The following PSMA6 variants were observed in gnomAD, a reference collection of about 807,000 sequenced individuals.
PSMA6 encodes the protein proteasome 20S subunit alpha 6, also known as proteasome subunit alpha type-6.
For missense variants in PSMA6, 170 were observed against 294.8 expected, an observed-to-expected ratio of 0.58 and a Z score of 3.10; for synonymous variants, 88 against 97.7, an observed-to-expected ratio of 0.90 and a Z score of 0.59.
At chr14:35,293,121 C>T (rs536690732) in intron 1 of PSMA6, 1 of 431,834 alleles carries the variant, frequency 2.3e-6, no homozygotes, top group African/African-American at 2.0e-5. Context: ...TTAAAAGTGC[C>T]AATTTACAAA....
intron 1 of PSMA6, among the ~76,000 whole-genome samples, chr14:35,302,301 G>A (rs111384187): frequency 7.2e-5 from 11 of 152,190 alleles, no homozygotes; most frequent in African/African-American, 1.2e-4. Context: ...GGGCTCAAGC[G>A]ATCCTCCCCA....
intron 1 of PSMA6, among the ~76,000 whole-genome samples, chr14:35,307,463 G>T (rs1192931261): frequency 6.6e-6 from 1 of 152,174 alleles, no homozygotes; most frequent in Admixed American, 6.6e-5. Context: ...GCGGGGAGTG[G>T]TGGCTCACAC....
At chr14:35,296,565 A>AAG (rs2051592525) in intron 1 of PSMA6, among the ~76,000 whole-genome samples, 1 of 151,898 alleles carries the variant, frequency 6.6e-6, no homozygotes, top group South Asian at 2.1e-4. Context: ...TCCTGACCTC[A>AAG]TGATCTGCCC....
chr14:35,279,804 A>G (rs562488219), intron 1 of PSMA6, among the ~76,000 whole-genome samples: 1 of 152,352 alleles, frequency 6.6e-6, no homozygotes, highest in African/African-American at 2.4e-5. Context: ...AGTATTGAAT[A>G]GTTTGTACTT....
chr14:35,291,010 TTAGA>T (rs556601723), upstream of PSMA6, among the ~76,000 whole-genome samples: 320 of 151,770 alleles, frequency 2.1e-3, no homozygotes, highest in South Asian at 4.2e-3. Flanking sequence ...TTTTTTTTAT[TTAGA>T]TAGATCTTCC....
chr14:35,285,734 G>A (rs560039230), intron 1 of PSMA6, among the ~76,000 whole-genome samples: 1 of 152,314 alleles, frequency 6.6e-6, no homozygotes, highest in African/African-American at 2.4e-5. Context: ...TGGGGGTGGG[G>A]AATAGAGTGA....
upstream of PSMA6, among the ~76,000 whole-genome samples, chr14:35,289,041 T>C (rs2051449932): frequency 6.6e-6 from 1 of 152,206 alleles, no homozygotes; most frequent in African/African-American, 2.4e-5. Flanking sequence ...CTTCTTCCAA[T>C]GTGGCCAGGG....
intron 4 of PSMA6, among the ~76,000 whole-genome samples, chr14:35,312,036 C>T (rs2051953260): frequency 6.6e-6 from 1 of 151,936 alleles, no homozygotes; most frequent in African/African-American, 2.4e-5. Context: ...ATTTAATATG[C>T]TATTATTTAT....
rs1420385934 is a variant in PSMA6 at position 35,282,804 on chromosome 14, A to G, written c.19+4086A>G. 2.0e-5 allele frequency among the ~76,000 whole-genome samples: 3 copies of G among 151,826 alleles called. No homozygotes were observed. The South Asian group carries it at 6.3e-4, about 32-fold the overall frequency. On this transcript the variant is annotated intron_variant, in intron 1 of 6. Transcript: ENST00000540871. ...TGGGAGGCACAGGTTGCAGTGAGCC[A>G]AGATCGAGCCACTGCACTCCAGCCT...
upstream of PSMA6, among the ~76,000 whole-genome samples, chr14:35,291,753 G>T (rs183743179): frequency 4.0e-5 from 6 of 151,460 alleles, no homozygotes; most frequent in African/African-American, 9.7e-5. Context: ...AACTCAGGAG[G>T]GGGAGGTTGC....
intron 1 of PSMA6, among the ~76,000 whole-genome samples, chr14:35,285,383 CTT>C (rs2051412781): frequency 6.6e-6 from 1 of 150,504 alleles, no homozygotes; most frequent in African/African-American, 2.5e-5. Flanking sequence ...CACACTCTTG[CTT>C]TTCTATCAAT....
At chr14:35,282,745 C>T (rs1190420976) in intron 1 of PSMA6, among the ~76,000 whole-genome samples, 1 of 151,898 alleles carries the variant, frequency 6.6e-6, no homozygotes, top group Non-Finnish European at 1.5e-5. Context: ...GTCTCAGCTA[C>T]TCAGGAGGTT....
chr14:35,283,825 C>T (rs1228725721), intron 1 of PSMA6, among the ~76,000 whole-genome samples: 1 of 152,180 alleles, frequency 6.6e-6, no homozygotes, highest in Non-Finnish European at 1.5e-5. Flanking sequence ...AACTCGGCCT[C>T]CCAAAGTGCT....
chr14:35,283,376 AAAG>A (rs1184905022), intron 1 of PSMA6, among the ~76,000 whole-genome samples: 2 of 151,598 alleles, frequency 1.3e-5, no homozygotes, highest in Admixed American at 6.6e-5. Context: ...AAAAAAAAAA[AAAG>A]AGAGAGAAAG....
At chr14:35,279,276 A>G (rs1361087417) in intron 1 of PSMA6, among the ~76,000 whole-genome samples, 3 of 152,014 alleles carry the variant, frequency 2.0e-5, no homozygotes, top group Non-Finnish European at 2.9e-5. Context: ...CGAACTCCAG[A>G]CCTCAGGTGA....
At chr14:35,284,208 C>T (rs540600446) in intron 1 of PSMA6, among the ~76,000 whole-genome samples, 5 of 152,144 alleles carry the variant, frequency 3.3e-5, no homozygotes, top group Non-Finnish European at 7.3e-5. Flanking sequence ...TATTGCCTAG[C>T]TTGCCCTAAA....
chr14:35,280,109 C>T (rs1384824346), intron 1 of PSMA6, among the ~76,000 whole-genome samples: 5 of 145,414 alleles, frequency 3.4e-5, no homozygotes, highest in African/African-American at 1.3e-4. Flanking sequence ...CCAGCCTGGG[C>T]GACAGAGCAA....
chr14:35,289,215 A>T (rs1016592327), upstream of PSMA6, among the ~76,000 whole-genome samples: 1 of 152,232 alleles, frequency 6.6e-6, no homozygotes, highest in African/African-American at 2.4e-5. Context: ...CACTTAATAT[A>T]TGCTGGTTAT....
intron 1 of PSMA6, among the ~76,000 whole-genome samples, chr14:35,283,168 T>A (rs1025702576): frequency 7.9e-5 from 12 of 151,750 alleles, no homozygotes; most frequent in African/African-American, 2.7e-4. Flanking sequence ...TGGCATAGAA[T>A]CAATGAAAAA....
Sources: gnomAD v4.1 joint callset for allele counts (sites outside exome capture counted in the v4.1 genomes callset) on GRCh38, gnomAD v4.1.1 for gene constraint, MANE v1.5 for transcripts, NCBI Gene and HGNC (gene_info 2026-07-23, HGNC 2026-07-21) for gene names.